The following TRPM1 variants were observed in gnomAD, a reference collection of about 807,000 sequenced individuals.
TRPM1 encodes TRPM1-203 APA Isoform, Intron 10.
TRPM1 carries 113 observed loss-of-function variants against 149.4 expected under a neutral mutation model. That is an observed-to-expected ratio of 0.76 (90% CI 0.65 to 0.88). The LOEUF is 0.88. Ranked by LOEUF, TRPM1 falls within the 40% of genes least tolerant of loss-of-function variation. TRPM1 has a pLI of 0.00. For missense variants in TRPM1, 1,976 were observed against 2,038.7 expected (o/e 0.97, Z 0.59); for synonymous variants, 741 against 759.5 (o/e 0.98, Z 0.40).
intron 1 of TRPM1, among the ~76,000 whole-genome samples, chr15:31,151,209 C>A (rs1053314860): frequency 6.6e-6 from 1 of 152,166 alleles, no homozygotes; most frequent in Admixed American, 6.5e-5. Flanking sequence ...GAGACTGCGA[C>A]ATTGTGGTGC....
chr15:31,010,477 ATTT>A (rs2032144262), intron 27 of TRPM1, among the ~76,000 whole-genome samples: 1 of 151,876 alleles, frequency 6.6e-6, no homozygotes, highest in South Asian at 2.1e-4. Flanking sequence ...TTGTGTTTTC[ATTT>A]TGTTCGCCTT....
At chr15:31,159,100 G>A (rs1247495918) in intron 1 of TRPM1, among the ~76,000 whole-genome samples, 1 of 152,134 alleles carries the variant, frequency 6.6e-6, no homozygotes, top group African/African-American at 2.4e-5. Flanking sequence ...AGGGGGAGGA[G>A]GTCACCTTCG....
chr15:31,134,295 C>T (rs966037371), intron 1 of TRPM1, among the ~76,000 whole-genome samples: 1 of 152,164 alleles, frequency 6.6e-6, no homozygotes, highest in African/African-American at 2.4e-5. Flanking sequence ...GACATGCCAA[C>T]CCAAAATATG....
intron 1 of TRPM1, among the ~76,000 whole-genome samples, chr15:31,109,053 C>A (rs1177188407): frequency 1.3e-5 from 2 of 151,994 alleles, no homozygotes; most frequent in Non-Finnish European, 2.9e-5. Flanking sequence ...GATTTGCATG[C>A]TAGTAGGGGA....
At position 31,001,822 on chromosome 15, in the gene TRPM1, C is replaced by G. The variant is rs567100066; in HGVS notation, c.4878G>C (p.Ter1626TyrextTer6). The G allele has an allele frequency of 2.5e-6, 4 of 1,610,434 alleles. No homozygotes were observed. The highest frequency in any genetic ancestry group is 3.4e-6 in the Non-Finnish European group (4 of 1,179,868). The change falls in exon 28 of 28, where the codon TAG (stop) becomes TAC (tyrosine). Residue 1626 changes from the stop codon to tyrosine (Y), a stop_lost. Transcript: ENST00000256552. ...KEKASTETEC[*>Y] ...AAAAAAATTAAAGAAACAAAACAGA[C>G]TAGCATTCAGTTTCTGTGGAAGCTT...
At chr15:31,088,249 C>G (rs1025506872) in intron 1 of TRPM1, among the ~76,000 whole-genome samples, 3 of 152,182 alleles carry the variant, frequency 2.0e-5, no homozygotes, top group African/African-American at 7.2e-5. Flanking sequence ...GTAAAATGGA[C>G]CAATCAGCAG....
chr15:31,120,843 A>G (rs991416818), intron 1 of TRPM1, among the ~76,000 whole-genome samples: 1 of 152,236 alleles, frequency 6.6e-6, no homozygotes, highest in African/African-American at 2.4e-5. Context: ...GAACTAAATG[A>G]AAATGAAAAC....
chr15:31,057,267 TC>T (rs1444002386), intron 11 of TRPM1, among the ~76,000 whole-genome samples: 1 of 152,232 alleles, frequency 6.6e-6, no homozygotes, highest in African/African-American at 2.4e-5. Context: ...GAGGCCATTA[TC>T]CTTAGCAAAC....
intron 1 of TRPM1, among the ~76,000 whole-genome samples, chr15:31,134,941 G>A (rs891455289): frequency 3.3e-5 from 5 of 152,138 alleles, no homozygotes; most frequent in African/African-American, 1.2e-4. Flanking sequence ...AGGCAGCGGA[G>A]GTTGCAGTGA....
At chr15:31,126,856 A>G (rs2141039181) in intron 1 of TRPM1, among the ~76,000 whole-genome samples, 1 of 152,234 alleles carries the variant, frequency 6.6e-6, no homozygotes, top group Middle Eastern at 3.4e-3. Flanking sequence ...AATTCTAGCT[A>G]CTCAGGAGGC....
In TRPM1 at chr15:31,068,849, G is replaced by A. The variant is rs144480940; in HGVS notation, c.280-757C>T. ...GTGCTATCTATGAAGCAGAGGATGG[G>A]CCCTCGCCAGGCACCAAATCTGCTG... On this transcript the variant is annotated intron_variant, in intron 4 of 27. Coordinates refer to ENST00000256552, the MANE Select transcript of TRPM1 (RefSeq NM_001252024.2). Among the ~76,000 whole-genome samples, 1,120 of 151,746 alleles carry A rather than the reference G, an allele frequency of 7.4e-3. 5 individuals are homozygous for A. Among genetic ancestry groups the A allele is most frequent in the Non-Finnish European group, 0.01 (698 of 67,930 alleles).
chr15:31,128,531 A>T (rs2035979410), intron 1 of TRPM1, among the ~76,000 whole-genome samples: 2 of 152,148 alleles, frequency 1.3e-5, no homozygotes, highest in Non-Finnish European at 1.5e-5. Flanking sequence ...AGCTCTTTGC[A>T]TTCTTATTTC....
intron 3 of TRPM1, among the ~76,000 whole-genome samples, chr15:31,072,014 TATATAG>T (rs1173385912): frequency 4.4e-3 from 125 of 28,238 alleles, no homozygotes; most frequent in South Asian, 6.6e-3. Flanking sequence ...TATATATATA[TATATAG>T]AGAGAGAGAG....
intron 22 of TRPM1, chr15:31,031,364 T>G (rs1426243024): frequency 3.3e-6 from 2 of 611,098 alleles, no homozygotes; most frequent in African/African-American, 3.7e-5. Context: ...TCTAGAACAT[T>G]GCTATCTTCA....
At chr15:31,030,657 T>C (rs3784591) in intron 23 of TRPM1, among the ~76,000 whole-genome samples, 4 of 152,278 alleles carry the variant, frequency 2.6e-5, no homozygotes, top group South Asian at 4.1e-4. Flanking sequence ...TGGAAAACAC[T>C]ATCAGCCTTA....
intron 1 of TRPM1, among the ~76,000 whole-genome samples, chr15:31,152,421 G>A (rs2036316231): frequency 6.6e-6 from 1 of 152,114 alleles, no homozygotes; most frequent in Non-Finnish European, 1.5e-5. Context: ...CCCACTGCAG[G>A]GCCTTGGACA....
chr15:31,113,739 G>A (rs564147744), intron 1 of TRPM1, among the ~76,000 whole-genome samples: 140 of 152,178 alleles, frequency 9.2e-4, no homozygotes, highest in Admixed American at 1.0e-3. Flanking sequence ...CCGCCTTTAA[G>A]AATGAAGCAT....
chr15:31,076,907 GT>G lies in TRPM1; in HGVS notation c.80del (p.Asn27ThrfsTer85). 6.3e-7 allele frequency: 1 copy of G among 1,599,738 alleles called. No homozygotes were observed. ...CTTAATCGTGGATTTCAATTTACCT[GT>G]TAGAGTCTTTCATGCTAGGAATTAC... ...IFVIPSMKDS[N>X]RCCCGQFTNQ... is the part of the protein sequence containing the mutation. On this transcript the variant is annotated frameshift_variant, in exon 3 of 28. Coordinates refer to ENST00000256552, the MANE Select transcript of TRPM1 (RefSeq NM_001252024.2). LOFTEE classifies it high-confidence loss of function.
At chr15:31,128,319 G>A (rs1353682982) in intron 1 of TRPM1, among the ~76,000 whole-genome samples, 2 of 152,164 alleles carry the variant, frequency 1.3e-5, no homozygotes, top group Non-Finnish European at 2.9e-5. Flanking sequence ...CGGCTGCCGT[G>A]GAGCTCTGAC....
Sources: allele counts gnomAD v4.1 joint callset (sites outside exome capture counted in the v4.1 genomes callset), GRCh38; gene constraint gnomAD v4.1.1; transcripts MANE v1.5; gene names NCBI Gene and HGNC (gene_info 2026-07-23, HGNC 2026-07-21).